ITGAL: variants seen among roughly 807,000 people sequenced by gnomAD.
ITGAL encodes integrin subunit alpha L, also known as integrin alpha-L.
ITGAL carries 68 observed loss-of-function variants against 138.4 expected under a neutral mutation model. The observed-to-expected ratio is 0.49, with a 90% CI of 0.40 to 0.60. The LOEUF is 0.60. Ranked by LOEUF, ITGAL falls within the 20% of genes least tolerant of loss-of-function variation. The probability of loss-of-function intolerance (pLI) is 0.00; values close to 1 mark genes in which losing one functional copy is unlikely to be tolerated. For synonymous variants in ITGAL, 561 were observed against 584.3 expected (o/e 0.96, Z 0.57); for missense variants, 1,256 against 1,478.6 (o/e 0.85, Z 2.47).
intron 15 of ITGAL, among the ~76,000 whole-genome samples, chr16:30,497,946 CA>C (rs2050827059): frequency 6.7e-6 from 1 of 148,514 alleles, no homozygotes; most frequent in Admixed American, 6.8e-5. Context: ...GATCCTACCA[CA>C]AAAAAATAAT....
At chr16:30,496,613 C>T (rs2050804686) in intron 15 of ITGAL, 47 bp downstream of exon 15, 1 of 1,511,210 alleles carries the variant, frequency 6.6e-7, no homozygotes, top group Non-Finnish European at 8.8e-7. Context: ...AGCTCTTATC[C>T]TGTTTTGTTT....
rs1035374320 is a variant in ITGAL at position 30,494,574 on chromosome 16, C to A, written c.1366-139C>A. The A allele has an allele frequency of 1.6e-5, 19 of 1,170,360 alleles. No homozygotes were observed. The African/African-American group carries it at 2.9e-4, about 18-fold the overall frequency. The allele number at this position is 1,170,360 out of a possible 1,614,324, so 72.5% of individuals were successfully genotyped here. On this transcript the variant is annotated intron_variant, in intron 12 of 30. Transcript: ENST00000356798. The surrounding 1 kb of genome is among the most constrained non-coding windows in gnomAD (Gnocchi z 4.2). The stretch of plus-strand genomic sequence containing the variant: ...CCTCAAAGAGCCCACCTTGTCTTAA[C>A]GCACATAGACTAGGGGTGGATCCAA...
rs1450314212 is a variant in ITGAL, at chr16:30,511,149, C to T, written c.2786+13C>T. ...TCCTCATCCAGGAGTAAGTTCTTCC[C>T]AGCAGACAGCCAACCCTCTCCTCCC... On this transcript the variant is annotated intron_variant, in intron 24 of 30. Transcript: ENST00000356798. 1 of 1,598,480 alleles carries T rather than the reference C, an allele frequency of 6.3e-7. No individual in the cohort carries two copies.
intron 21 of ITGAL, among the ~76,000 whole-genome samples, chr16:30,508,915 G>A (rs1271113213): frequency 1.3e-5 from 2 of 151,952 alleles, no homozygotes; most frequent in East Asian, 1.9e-4. Context: ...GGCGGTTCAC[G>A]CCTGTAATCC....
chr16:30,494,360 C>G lies in ITGAL; in HGVS notation c.1362C>G (p.Thr454=). ...GCCAGGTCCAGACAATCCATGGGACCCAGGTGCGCCCAGTCCGAGGGCATC... is the reference window on the plus strand; with the variant it reads ...GCCAGGTCCAGACAATCCATGGGACGCAGGTGCGCCCAGTCCGAGGGCATC... ...HWSQVQTIHG[T]QIGSYFGGEL... is the part of the protein sequence containing the mutation. The change falls in exon 12 of 31, where the codon ACC becomes ACG. Residue 454 remains threonine (T), a synonymous_variant. Coordinates refer to ENST00000356798, the MANE Select transcript of ITGAL (RefSeq NM_002209.3). The surrounding 1 kb of genome is among the most constrained non-coding windows in gnomAD (Gnocchi z 4.2). 6.2e-7 allele frequency: 1 copy of G among 1,601,720 alleles called. No homozygotes were observed. Among genetic ancestry groups the G allele is most frequent in the Non-Finnish European group, 8.5e-7 (1 of 1,171,332 alleles).
Position 30,475,416 on chromosome 16 carries a change from G to A in ITGAL, c.259+16G>A, listed in dbSNP as rs763185906. 2 of 1,608,616 alleles carry A rather than the reference G, an allele frequency of 1.2e-6. No individual in the cohort carries two copies. Among genetic ancestry groups the A allele is most frequent in the African/African-American group, 1.3e-5 (1 of 74,804 alleles). On this transcript the variant is annotated intron_variant, in intron 3 of 30. Coordinates refer to ENST00000356798, the MANE Select transcript of ITGAL (RefSeq NM_002209.3). ...ACCCTGAGAGGTGAGTAACTGGGGG[G>A]TGAGCTGGGAGGAATGGGATCTTGG...
At chr16:30,507,054 G>A (rs1408312004) in intron 21 of ITGAL, among the ~76,000 whole-genome samples, 198 bp downstream of exon 21, 1 of 152,178 alleles carries the variant, frequency 6.6e-6, no homozygotes, top group African/African-American at 2.4e-5. Flanking sequence ...TGGGTGCGGT[G>A]GCTCACAACT....
intron 17 of ITGAL, among the ~76,000 whole-genome samples, chr16:30,503,421 A>G (rs959005592): frequency 6.8e-6 from 1 of 147,920 alleles, no homozygotes; most frequent in African/African-American, 2.5e-5. Flanking sequence ...CAACTGTGCC[A>G]CCTTTTTAGT....
In ITGAL at chr16:30,502,256, G is replaced by T. The variant is rs548706575; in HGVS notation, c.2146-1919G>T. Among the ~76,000 whole-genome samples, 6 of 150,790 alleles carry T rather than the reference G, an allele frequency of 4.0e-5. 1 individual carries two copies. Among genetic ancestry groups the T allele is most frequent in the Middle Eastern group, 3.5e-3 (1 of 284 alleles). On this transcript the variant is annotated intron_variant, in intron 17 of 30. Coordinates refer to ENST00000356798, the MANE Select transcript of ITGAL (RefSeq NM_002209.3). Reference sequence around the variant, plus strand: ...ACTAAAAATACAAAAAATTAGCTGGGCGTGGTGGTGGGGGCCTGTAGTCCC... The same window carrying T: ...ACTAAAAATACAAAAAATTAGCTGGTCGTGGTGGTGGGGGCCTGTAGTCCC...
At chr16:30,486,157 T>G (rs906975971) in intron 9 of ITGAL, among the ~76,000 whole-genome samples, 1 of 152,184 alleles carries the variant, frequency 6.6e-6, no homozygotes, top group Non-Finnish European at 1.5e-5. Context: ...ATGTGATTCC[T>G]ACAGGAAAGT....
chr16:30,499,007 C>T, intron 15 of ITGAL, 67 bp from the exon 16 acceptor site: 1 of 1,499,610 alleles, frequency 6.7e-7, no homozygotes, highest in South Asian at 1.2e-5. Context: ...CTGGCGGGAG[C>T]CCCACATCTG....
In ITGAL at chr16:30,494,329, A is replaced by T. The variant is rs1281370265; in HGVS notation, c.1331A>T (p.His444Leu). The T allele has an allele frequency of 1.4e-5, 22 of 1,612,348 alleles. No homozygotes were observed. The highest frequency in any genetic ancestry group is 1.9e-5 in the Non-Finnish European group (22 of 1,178,794). ...LLFQEPQGGGHWSQVQTIHGT... is the reference protein window; with the variant it reads ...LLFQEPQGGGLWSQVQTIHGT... Reference sequence around the variant, plus strand: ...TTCCAAGAGCCACAGGGCGGAGGACACTGGAGCCAGGTCCAGACAATCCAT... The same window carrying T: ...TTCCAAGAGCCACAGGGCGGAGGACTCTGGAGCCAGGTCCAGACAATCCAT... Residue 444 changes from histidine (H) to leucine (L), a missense_variant, in exon 12 of 31, where the codon CAC becomes CTC. Physicochemically the swap from His to Leu is moderately conservative, Grantham distance 99. Transcript: ENST00000356798. This position sits in a 1 kb window ranked among gnomAD's most constrained non-coding sequence, Gnocchi z 4.2.
chr16:30,472,894 C>G lies in ITGAL; in HGVS notation c.57C>G (p.Phe19Leu), dbSNP rs2050414521. 6.2e-7 allele frequency: 1 copy of G among 1,612,796 alleles called. No homozygotes were observed. The highest frequency in any genetic ancestry group is 2.2e-5 in the East Asian group (1 of 44,862). The change falls in exon 1 of 31, where the codon TTC becomes TTG. Residue 19 changes from phenylalanine to leucine, a missense_variant. Transcript: ENST00000356798. ...TGGCGCTGCTGTCTGGGTTCTTTTT[C>G]TTCGGTAGGCAAGGGAGGAGGCAGG... The part of the protein sequence containing the change: ...MAMALLSGFF[F>L]FAPASSYNLD...
intron 6 of ITGAL, 71 bp from the exon 7 acceptor site, chr16:30,481,362 AAAAAAG>A: frequency 9.4e-7 from 1 of 1,062,932 alleles, no homozygotes; most frequent in Non-Finnish European, 1.3e-6. Context: ...AAAAAAAAAA[AAAAAAG>A]AAGTAGAGTT....
chr16:30,520,145 C>G (rs975598313), intron 30 of ITGAL, among the ~76,000 whole-genome samples, 178 bp downstream of exon 30: 2 of 152,158 alleles, frequency 1.3e-5, no homozygotes, highest in African/African-American at 2.4e-5. Flanking sequence ...GTCCAAAGAA[C>G]AAGCAAGGGC....
Position 30,518,581 on chromosome 16 carries a change from T to C in ITGAL, c.3133-43T>C, listed in dbSNP as rs1044100761. 8.6e-6 allele frequency: 12 copies of C among 1,400,966 alleles called. No homozygotes were observed. In the Admixed American group the frequency reaches 1.7e-4, roughly 20 times the overall value. The allele number at this position is 1,400,966 out of a possible 1,614,324, so 86.8% of individuals were successfully genotyped here. A position where few individuals can be genotyped will look rare whatever the true frequency, so the allele number is the denominator to read the frequency against. ...TGGGGGCAAAAGCCAGTGGGTTCTGTCCTCGTTCTCCCGGGTTCTGACGCC... is the reference window on the plus strand; with the variant it reads ...TGGGGGCAAAAGCCAGTGGGTTCTGCCCTCGTTCTCCCGGGTTCTGACGCC... On this transcript the variant is annotated intron_variant, in intron 28 of 30. Transcript: ENST00000356798.
chr16:30,480,420 G>C (rs1355501768), intron 6 of ITGAL, among the ~76,000 whole-genome samples: 1 of 152,002 alleles, frequency 6.6e-6, no homozygotes, highest in Non-Finnish European at 1.5e-5. Context: ...CAAATTTCCA[G>C]TTCTCAGAGA....
In ITGAL at chr16:30,506,736, T is replaced by G. The variant is rs779621276; in HGVS notation, c.2388T>G (p.Thr796=). The G allele has an allele frequency of 1.4e-5, 23 of 1,613,904 alleles. No homozygotes were observed. Among genetic ancestry groups the G allele is most frequent in the Non-Finnish European group, 1.8e-5 (21 of 1,179,902 alleles). The part of the protein sequence containing the change: ...SPARSRALRL[T]AFASLSVELS... The stretch of plus-strand genomic sequence containing the variant: ...ACAGATCCAGAGCCCTGCGTCTAAC[T>G]GCTTTTGCCAGCCTCTCTGTGGAGC... Residue 796 remains threonine (T), a synonymous_variant, in exon 21 of 31, where the codon ACT becomes ACG. Transcript: ENST00000356798.
intron 6 of ITGAL, among the ~76,000 whole-genome samples, chr16:30,479,956 CTTTT>C (rs2050530465): frequency 6.7e-6 from 1 of 148,194 alleles, no homozygotes; most frequent in Non-Finnish European, 1.5e-5. Context: ...GCCATTTTTT[CTTTT>C]TGAGACAGGG....
Sources: gnomAD v4.1 joint callset for allele counts (sites outside exome capture counted in the v4.1 genomes callset) on GRCh38, gnomAD v4.1.1 for gene constraint, Gnocchi (gnomAD v3.1) non-coding constraint, MANE v1.5 for transcripts, NCBI Gene and HGNC (gene_info 2026-07-23, HGNC 2026-07-21) for gene names.